PELI2: variants seen among roughly 807,000 people sequenced by gnomAD.
PELI2 encodes the protein pellino E3 ubiquitin protein ligase family member 2, also known as E3 ubiquitin-protein ligase pellino homolog 2.
Under a neutral mutation model 42.3 loss-of-function variants are expected in PELI2, and 23 were observed. The observed-to-expected ratio is 0.54, with a 90% CI of 0.39 to 0.77. The LOEUF (loss-of-function observed/expected upper bound fraction) is 0.77. Ranked by LOEUF, PELI2 falls within the 30% of genes least tolerant of loss-of-function variation. The pLI is 0.00. For missense variants in PELI2, 463 were observed against 553.2 expected (o/e 0.84, Z 1.64); for synonymous variants, 245 against 212.2 (o/e 1.15, Z -1.34).
At chr14:56,213,937 C>T (rs968260339) in intron 2 of PELI2, among the ~76,000 whole-genome samples, 1 of 138,020 alleles carries the variant, frequency 7.2e-6, no homozygotes, top group Admixed American at 7.1e-5. Context: ...CTGCAACCTC[C>T]GCCTCCCAGG....
At chr14:56,254,972 A>G (rs112727516) in intron 2 of PELI2, among the ~76,000 whole-genome samples, 21,522 of 152,286 alleles carry the variant, frequency 0.14, 1,785 homozygotes, top group Middle Eastern at 0.21. Flanking sequence ...CGACCATTAC[A>G]AAGTCAAGAA....
chr14:56,225,546 C>G (rs575864886), intron 2 of PELI2, among the ~76,000 whole-genome samples: 1 of 152,284 alleles, frequency 6.6e-6, no homozygotes, highest in African/African-American at 2.4e-5. Flanking sequence ...AAGTGAGGTC[C>G]TGTGCTAGCT....
At chr14:56,263,727 C>A (rs936835376) in intron 2 of PELI2, among the ~76,000 whole-genome samples, 3 of 152,046 alleles carry the variant, frequency 2.0e-5, no homozygotes, top group Non-Finnish European at 4.4e-5. Flanking sequence ...AGAAGGATGA[C>A]AGAAAATGAA....
chr14:56,164,608 G>A (rs573507558), intron 1 of PELI2, among the ~76,000 whole-genome samples: 16 of 152,228 alleles, frequency 1.1e-4, no homozygotes, highest in South Asian at 8.3e-4. Context: ...GTTTGAGTAG[G>A]ATTGGTATTA....
chr14:56,118,780 G>A (rs758068696), intron 1 of PELI2, 43 bp downstream of exon 1: 6 of 1,330,932 alleles, frequency 4.5e-6, no homozygotes, highest in Non-Finnish European at 6.1e-6. Context: ...GCGCGGGCGG[G>A]GAGCGCCCGC....
At chr14:56,265,933 C>T (rs1888887658) in intron 2 of PELI2, among the ~76,000 whole-genome samples, 1 of 151,974 alleles carries the variant, frequency 6.6e-6, no homozygotes, top group Admixed American at 6.5e-5. Context: ...CATTAAAAGA[C>T]TGACAATTCC....
At chr14:56,266,617 ACT>A (rs1482036945) in intron 2 of PELI2, among the ~76,000 whole-genome samples, 1 of 151,950 alleles carries the variant, frequency 6.6e-6, no homozygotes, top group Non-Finnish European at 1.5e-5. Context: ...GGGAAAACAT[ACT>A]CTCATATACT....
intron 2 of PELI2, among the ~76,000 whole-genome samples, chr14:56,230,557 T>G (rs1887521754): frequency 6.6e-6 from 1 of 152,098 alleles, no homozygotes; most frequent in Non-Finnish European, 1.5e-5. Context: ...TGCTGAGAGA[T>G]TTTGTGACCA....
At chr14:56,220,021 C>T (rs557269963) in intron 2 of PELI2, among the ~76,000 whole-genome samples, 49 of 152,270 alleles carry the variant, frequency 3.2e-4, no homozygotes, top group African/African-American at 1.2e-3. Context: ...TTTAGGTAAA[C>T]AATAAGTTAA....
intron 2 of PELI2, among the ~76,000 whole-genome samples, chr14:56,237,832 C>T (rs1164914492): frequency 1.3e-5 from 2 of 151,420 alleles, no homozygotes; most frequent in African/African-American, 2.4e-5. Context: ...TCTGTGGCAC[C>T]GTTCATTATG....
chr14:56,211,815 T>A (rs565444681), intron 2 of PELI2, among the ~76,000 whole-genome samples: 1 of 152,306 alleles, frequency 6.6e-6, no homozygotes, highest in Non-Finnish European at 1.5e-5. Context: ...TTTTTTTTAC[T>A]TTTTGGTATA....
At chr14:56,234,724 C>A (rs1887722798) in intron 2 of PELI2, among the ~76,000 whole-genome samples, 1 of 151,210 alleles carries the variant, frequency 6.6e-6, no homozygotes. Context: ...ACATTGTGCA[C>A]ATGTACCCTA....
intron 1 of PELI2, among the ~76,000 whole-genome samples, chr14:56,166,105 T>A (rs538047933): frequency 1.3e-5 from 2 of 151,596 alleles, no homozygotes; most frequent in African/African-American, 2.4e-5. Context: ...TCTGGTGATA[T>A]GACTTAGTTT....
chr14:56,192,387 T>A (rs1264142551), intron 2 of PELI2, among the ~76,000 whole-genome samples: 3 of 152,202 alleles, frequency 2.0e-5, no homozygotes, highest in Non-Finnish European at 4.4e-5. Context: ...GTTGAGAGTT[T>A]CTCAACCTCA....
intron 3 of PELI2, among the ~76,000 whole-genome samples, chr14:56,280,403 G>A (rs953069647): frequency 2.6e-5 from 4 of 151,788 alleles, no homozygotes; most frequent in South Asian, 2.1e-4. Context: ...AAAAACATTC[G>A]TCAGTTAATG....
At chr14:56,184,840 A>G (rs1885710621) in intron 2 of PELI2, among the ~76,000 whole-genome samples, 1 of 152,088 alleles carries the variant, frequency 6.6e-6, no homozygotes, top group African/African-American at 2.4e-5. Context: ...TATCAATCAC[A>G]GCTCATATAT....
chr14:56,290,685 C>T, intron 5 of PELI2, among the ~76,000 whole-genome samples: 1 of 152,134 alleles, frequency 6.6e-6, no homozygotes, highest in East Asian at 1.9e-4. Context: ...TGTTTTGCTC[C>T]TTACCACCTG....
chr14:56,118,469 A>G lies in PELI2; in HGVS notation c.-192A>G. 1 of 319,506 alleles carries G rather than the reference A, an allele frequency of 3.1e-6. No individual in the cohort carries two copies. Among genetic ancestry groups the G allele is most frequent in the Non-Finnish European group, 5.6e-6 (1 of 177,732 alleles). The allele number at this position is 319,506 out of a possible 1,614,324, so 19.8% of individuals were successfully genotyped here. Reference sequence around the variant, plus strand: ...GCGGCGCGCGGAGCTCCGGGGAGTCAGGCGGAGCAGCCGCGCAGCCACGAC... The same window carrying G: ...GCGGCGCGCGGAGCTCCGGGGAGTCGGGCGGAGCAGCCGCGCAGCCACGAC... On this transcript the variant is annotated 5_prime_UTR_variant, in exon 1 of 6. Coordinates refer to ENST00000267460, the MANE Select transcript of PELI2 (RefSeq NM_021255.3).
intron 2 of PELI2, among the ~76,000 whole-genome samples, chr14:56,246,157 T>A (rs1029914752): frequency 6.6e-6 from 1 of 152,138 alleles, no homozygotes; most frequent in Non-Finnish European, 1.5e-5. Flanking sequence ...CCTGGTGCGT[T>A]CTCCATGTAC....
Sources: gnomAD v4.1 joint callset for allele counts (sites outside exome capture counted in the v4.1 genomes callset) on GRCh38, gnomAD v4.1.1 for gene constraint, MANE v1.5 for transcripts, NCBI Gene and HGNC (gene_info 2026-07-23, HGNC 2026-07-21) for gene names.